IL19: variants seen among roughly 807,000 people sequenced by gnomAD.
IL19 encodes interleukin 19.
IL19 carries 15 observed loss-of-function variants against 19.5 expected under a neutral mutation model. The observed-to-expected ratio is 0.77, with a 90% CI of 0.52 to 1.19. The LOEUF (loss-of-function observed/expected upper bound fraction) is 1.19, where lower values mean the gene tolerates loss of function less well. Ranked by LOEUF, IL19 falls within the 50% of genes most tolerant of loss-of-function variation. The pLI is 0.00. For synonymous variants in IL19, 78 were observed against 78.3 expected (o/e 1.00, Z 0.02); for missense variants, 199 against 213.1 (o/e 0.93, Z 0.41).
At chr1:206,798,208 A>G (rs1353066247) in intron 1 of IL19, among the ~76,000 whole-genome samples, 2 of 152,106 alleles carry the variant, frequency 1.3e-5, no homozygotes, top group Non-Finnish European at 2.9e-5. Flanking sequence ...CTTCATTCAT[A>G]GGTGCGATCA....
intron 1 of IL19, chr1:206,771,407 C>T: frequency 6.2e-7 from 1 of 1,609,636 alleles, no homozygotes; most frequent in Non-Finnish European, 8.5e-7. Flanking sequence ...CCAGCTGATC[C>T]TTCATTTGCT....
At chr1:206,812,707 G>A (rs1272665737) in intron 2 of IL19, among the ~76,000 whole-genome samples, 1 of 152,212 alleles carries the variant, frequency 6.6e-6, no homozygotes, top group Non-Finnish European at 1.5e-5. Context: ...ACCGTGTGAG[G>A]TGCTGGATGA....
chr1:206,785,307 G>A (rs1217297785), intron 1 of IL19, among the ~76,000 whole-genome samples: 1 of 152,176 alleles, frequency 6.6e-6, no homozygotes, highest in East Asian at 1.9e-4. Context: ...ATTTAGAAGT[G>A]CCTGTTTTCT....
At position 206,842,637 on chromosome 1, in the gene IL19, T is replaced by C. The variant is rs182270228; in HGVS notation, c.*15T>C. 3.5e-4 allele frequency: 512 copies of C among 1,455,950 alleles called. 5 individuals are homozygous for C. The South Asian group carries it at 3.9e-3, about 11-fold the overall frequency. The allele number at this position is 1,455,950 out of a possible 1,614,324, so 90.2% of individuals were successfully genotyped here. On this transcript the variant is annotated 3_prime_UTR_variant, in exon 7 of 7. Coordinates refer to ENST00000659997, the MANE Select transcript of IL19 (RefSeq NM_153758.5). ...TCTCAGCTTGATGACAAGGAACCTG[T>C]ATAGTGATCCAGGGATGAACACCCC...
chr1:206,819,168 T>C (rs1432338416), intron 2 of IL19, among the ~76,000 whole-genome samples: 1 of 152,164 alleles, frequency 6.6e-6, no homozygotes, highest in Non-Finnish European at 1.5e-5. Flanking sequence ...CTCAAACTCC[T>C]GGGCTCAAGC....
At chr1:206,820,917 T>G (rs906458459) in intron 2 of IL19, among the ~76,000 whole-genome samples, 12 of 152,226 alleles carry the variant, frequency 7.9e-5, no homozygotes, top group Admixed American at 7.9e-4. Flanking sequence ...TCCTTTTCCA[T>G]GAATCCTCAA....
At chr1:206,800,188 C>T (rs1001360227) in intron 2 of IL19, among the ~76,000 whole-genome samples, 3 of 152,244 alleles carry the variant, frequency 2.0e-5, no homozygotes, top group African/African-American at 2.4e-5. Context: ...GAGGACACAA[C>T]ACTGAACAAG....
chr1:206,771,231 A>G (rs1016634050), intron 1 of IL19, 153 bp downstream of exon 1: 10 of 1,154,920 alleles, frequency 8.7e-6, no homozygotes, highest in Non-Finnish European at 1.3e-5. Context: ...GTGCTGAGTT[A>G]ACATCTTCCC....
chr1:206,821,926 CA>C (rs1676300298), intron 2 of IL19, among the ~76,000 whole-genome samples: 1 of 152,206 alleles, frequency 6.6e-6, no homozygotes, highest in South Asian at 2.1e-4. Flanking sequence ...CCAGGTTCTT[CA>C]AGTTCCCACA....
At chr1:206,811,330 G>A (rs1265417267) in intron 2 of IL19, among the ~76,000 whole-genome samples, 2 of 151,648 alleles carry the variant, frequency 1.3e-5, no homozygotes, top group Non-Finnish European at 1.5e-5. Context: ...TGTAGTCCCA[G>A]CTACTCAGGA....
At chr1:206,827,553 G>A (rs1676467884) in intron 2 of IL19, among the ~76,000 whole-genome samples, 1 of 152,068 alleles carries the variant, frequency 6.6e-6, no homozygotes, top group South Asian at 2.1e-4. Flanking sequence ...AGCCAGGCGA[G>A]GTGGTGGGCG....
chr1:206,815,990 C>T (rs1388923853), intron 2 of IL19, among the ~76,000 whole-genome samples: 2 of 151,938 alleles, frequency 1.3e-5, no homozygotes, highest in African/African-American at 2.4e-5. Flanking sequence ...TTTAAAGTTT[C>T]CAAGAACCTA....
intron 1 of IL19, among the ~76,000 whole-genome samples, chr1:206,775,090 G>C (rs930443844): frequency 2.0e-5 from 3 of 151,848 alleles, no homozygotes; most frequent in African/African-American, 4.8e-5. Flanking sequence ...GCCCAGGCTG[G>C]AGTGCAGTGG....
intron 1 of IL19, chr1:206,771,513 A>C: frequency 9.3e-7 from 1 of 1,077,500 alleles, no homozygotes; most frequent in Non-Finnish European, 1.4e-6. Flanking sequence ...TTTTTTTTTA[A>C]ATAAAATTGG....
At chr1:206,772,506 T>C (rs1225412378) in intron 1 of IL19, 1 of 1,389,904 alleles carries the variant, frequency 7.2e-7, no homozygotes, top group Non-Finnish European at 1.0e-6. Flanking sequence ...GACCTTCACC[T>C]CTCTGTCCCC....
intron 2 of IL19, among the ~76,000 whole-genome samples, chr1:206,835,104 G>A (rs562096131): frequency 9.2e-5 from 14 of 152,332 alleles, no homozygotes; most frequent in African/African-American, 3.4e-4. Flanking sequence ...GCCTCACCAA[G>A]CTAAGGGAGA....
In IL19 at chr1:206,773,589, T is replaced by TGTGTGTGC. The variant is rs1491034537; in HGVS notation, c.-149+2518_-149+2519insCGTGTGTG. 2.1e-3 allele frequency among the ~76,000 whole-genome samples: 102 copies of TGTGTGTGC among 48,714 alleles called. 2 individuals are homozygous for TGTGTGTGC. Among genetic ancestry groups the TGTGTGTGC allele is most frequent in the African/African-American group, 5.6e-3 (85 of 15,154 alleles). The allele number at this position is 48,714 out of a possible 152,430, so 32.0% of individuals were successfully genotyped here. A position where few individuals can be genotyped will look rare whatever the true frequency, so the allele number is the denominator to read the frequency against. On this transcript the variant is annotated intron_variant, in intron 1 of 6. Coordinates refer to ENST00000659997, the MANE Select transcript of IL19 (RefSeq NM_153758.5). The stretch of plus-strand genomic sequence containing the variant: ...CCTTAGTAGTGTTGTCTTGGATTTG[T>TGTGTGTGC]GTGTGTGTGTGTGTGTGTGTGTGTG...
chr1:206,784,185 T>A (rs766824717), intron 1 of IL19, among the ~76,000 whole-genome samples: 58 of 151,990 alleles, frequency 3.8e-4, no homozygotes, highest in Non-Finnish European at 6.8e-4. Context: ...CCCAAACAAG[T>A]TCCTTTTCAT....
chr1:206,826,277 T>G (rs1676431317), intron 2 of IL19, among the ~76,000 whole-genome samples: 1 of 152,174 alleles, frequency 6.6e-6, no homozygotes, highest in African/African-American at 2.4e-5. Context: ...TGGCTTCTAT[T>G]TGGTCTGCCA....
Sources: allele counts gnomAD v4.1 joint callset (sites outside exome capture counted in the v4.1 genomes callset), GRCh38; gene constraint gnomAD v4.1.1; transcripts MANE v1.5; gene names NCBI Gene and HGNC (gene_info 2026-07-23, HGNC 2026-07-21).